Variants in WHRN observed in about 807,000 individuals in gnomAD.
WHRN encodes the protein whirlin.
A neutral mutation model predicts 68.3 loss-of-function variants in WHRN; 41 were observed. That is an observed-to-expected ratio of 0.60 (90% CI 0.47 to 0.78). The LOEUF (loss-of-function observed/expected upper bound fraction) is 0.78. WHRN is among the 30% of genes least tolerant of loss of function. The pLI, the probability that WHRN is intolerant of heterozygous loss-of-function variation, is 0.00. For missense variants in WHRN, 1,243 were observed against 1,244.7 expected (o/e 1.00, Z 0.02); for synonymous variants, 560 against 561.3 (o/e 1.00, Z 0.03).
At chr9:114,447,180 G>T (rs1031603732) in intron 3 of WHRN, among the ~76,000 whole-genome samples, 3 of 152,108 alleles carry the variant, frequency 2.0e-5, no homozygotes, top group Non-Finnish European at 4.4e-5. Context: ...TCCAGCTCAA[G>T]ATCCACTTCC....
intron 9 of WHRN, 108 bp from the exon 10 acceptor site, chr9:114,404,185 A>C (rs1589059202): frequency 8.3e-7 from 1 of 1,199,456 alleles, no homozygotes; most frequent in Non-Finnish European, 1.2e-6. Context: ...GGAATTCCCC[A>C]GGCAAAGATG....
In WHRN at chr9:114,425,412, C is replaced by CA. The variant is rs1564137855; in HGVS notation, c.1167-389dup. 10 of 551,126 alleles carry CA rather than the reference C, an allele frequency of 1.8e-5. No homozygotes were observed. The Admixed American group carries it at 3.2e-4, about 17-fold the overall frequency. 34.1% of individuals were successfully genotyped at this position (551,126 alleles called of 1,614,324 possible). A position where few individuals can be genotyped will look rare whatever the true frequency, so the allele number is the denominator to read the frequency against. The stretch of plus-strand genomic sequence containing the variant: ...AACTGGAGATCCCAGATGCAACTCG[C>CA]AGGTGCGGCTCAGCTCCAGCCGATG... On this transcript the variant is annotated intron_variant, in intron 4 of 11. Transcript: ENST00000362057.
chr9:114,476,562 T>A (rs988761825), intron 2 of WHRN, among the ~76,000 whole-genome samples: 1 of 152,140 alleles, frequency 6.6e-6, no homozygotes, highest in African/African-American at 2.4e-5. Context: ...CTTCCTCCCA[T>A]CAGTTTGCAC....
At chr9:114,500,942 C>G (rs919796463) in intron 1 of WHRN, among the ~76,000 whole-genome samples, 2 of 152,228 alleles carry the variant, frequency 1.3e-5, no homozygotes, top group Admixed American at 6.5e-5. Context: ...TTTCCTTATT[C>G]TGCCTTAAAT....
At chr9:114,450,875 C>T (rs1564169185) in intron 3 of WHRN, among the ~76,000 whole-genome samples, 1 of 151,714 alleles carries the variant, frequency 6.6e-6, no homozygotes, top group East Asian at 1.9e-4. Context: ...TTTAGTCATA[C>T]ATTCTCAATT....
At position 114,437,408 on chromosome 9, in the gene WHRN, T is replaced by C. The variant is rs550077232; in HGVS notation, c.964-10995A>G. Among the ~76,000 whole-genome samples the C allele has an allele frequency of 1.3e-3, 201 of 152,312 alleles. 1 individual carries two copies. The highest frequency in any genetic ancestry group is 2.7e-3 in the Admixed American group (41 of 15,298). Reference sequence around the variant, plus strand: ...TAATAATTAAATTAGATTTAAAATGTATAAAACTTTTGTATTAAAAAAACT... The same window carrying C: ...TAATAATTAAATTAGATTTAAAATGCATAAAACTTTTGTATTAAAAAAACT... On this transcript the variant is annotated intron_variant, in intron 3 of 11. Coordinates refer to ENST00000362057, the MANE Select transcript of WHRN (RefSeq NM_015404.4).
intron 1 of WHRN, among the ~76,000 whole-genome samples, chr9:114,502,542 G>A (rs1048145203): frequency 1.3e-5 from 2 of 152,018 alleles, no homozygotes; most frequent in African/African-American, 4.8e-5. Context: ...GGGGGAAGGC[G>A]GGGGTGGCAG....
intron 1 of WHRN, among the ~76,000 whole-genome samples, chr9:114,498,193 A>C (rs1843624498): frequency 6.6e-6 from 1 of 152,222 alleles, no homozygotes; most frequent in Admixed American, 6.5e-5. Flanking sequence ...GGGATGCGTG[A>C]ATAAGCAAGG....
chr9:114,502,210 C>T (rs932476093), intron 1 of WHRN, among the ~76,000 whole-genome samples: 2 of 152,270 alleles, frequency 1.3e-5, no homozygotes, highest in South Asian at 2.1e-4. Context: ...GGGGCAAGAG[C>T]TCATTTTGCC....
At chr9:114,486,401 G>A (rs1366888895) in intron 1 of WHRN, among the ~76,000 whole-genome samples, 2 of 152,106 alleles carry the variant, frequency 1.3e-5, no homozygotes, top group African/African-American at 2.4e-5. Flanking sequence ...AGTCACATTC[G>A]TGATCTTGTC....
chr9:114,408,002 T>A lies in WHRN; in HGVS notation c.1643A>T (p.Glu548Val), dbSNP rs773198421. The A allele has an allele frequency of 6.2e-7, 1 of 1,602,444 alleles. No individual in the cohort carries two copies. Among genetic ancestry groups the A allele is most frequent in the Non-Finnish European group, 8.5e-7 (1 of 1,173,776 alleles). Reference sequence around the variant, plus strand: ...GCCCTGGACAGCCTCGCCAGTTTCCTCCAGGTCCAGAGTGTTCTAGAAATG... The same window carrying A: ...GCCCTGGACAGCCTCGCCAGTTTCCACCAGGTCCAGAGTGTTCTAGAAATG... ...VSSARNTLDL[E>V]ETGEAVQGNI... Residue 548 changes from glutamate to valine, a missense_variant, in exon 8 of 12, where the codon GAG (glutamate) becomes GTG (valine). Glu to Val is a moderately radical substitution (Grantham distance 121). Transcript: ENST00000362057.
chr9:114,468,324 T>TG (rs1840901235), intron 2 of WHRN, among the ~76,000 whole-genome samples: 2 of 152,276 alleles, frequency 1.3e-5, no homozygotes, highest in South Asian at 2.1e-4. Flanking sequence ...AACCTGACAA[T>TG]GTCACACAGT....
chr9:114,455,658 A>G (rs10759703), intron 3 of WHRN, among the ~76,000 whole-genome samples: 112,500 of 150,146 alleles, frequency 0.75, 42,324 homozygotes, highest in East Asian at 0.96. Context: ...AGGCTCCAGT[A>G]AGCTATGATC....
chr9:114,496,838 C>A (rs1306735746), intron 1 of WHRN, among the ~76,000 whole-genome samples: 1 of 152,194 alleles, frequency 6.6e-6, no homozygotes, highest in African/African-American at 2.4e-5. Flanking sequence ...TGGGTACATA[C>A]CACCCTTCCT....
chr9:114,418,514 G>T (rs1033137735), intron 7 of WHRN, among the ~76,000 whole-genome samples: 4 of 152,172 alleles, frequency 2.6e-5, no homozygotes, highest in Non-Finnish European at 5.9e-5. Flanking sequence ...AATAATCAGG[G>T]GGACCCTGTT....
intron 3 of WHRN, among the ~76,000 whole-genome samples, chr9:114,459,672 G>C (rs1377374522): frequency 6.6e-6 from 1 of 152,168 alleles, no homozygotes; most frequent in Admixed American, 6.5e-5. Context: ...GATATGGTCA[G>C]GCTCCTGGCA....
chr9:114,421,994 AG>A (rs1836332313), intron 7 of WHRN, among the ~76,000 whole-genome samples: 1 of 152,224 alleles, frequency 6.6e-6, no homozygotes. Context: ...CCAGGGCTAA[AG>A]AAAAGCCACA....
At chr9:114,488,621 C>G (rs1010461800) in intron 1 of WHRN, among the ~76,000 whole-genome samples, 3 of 152,138 alleles carry the variant, frequency 2.0e-5, no homozygotes, top group African/African-American at 7.2e-5. Context: ...GTCTTGAACC[C>G]CGAGCAGGTG....
intron 3 of WHRN, among the ~76,000 whole-genome samples, chr9:114,442,801 G>A (rs1838487814): frequency 6.6e-6 from 1 of 152,212 alleles, no homozygotes. Flanking sequence ...ACGGCCTGCA[G>A]AACAGTGAGC....
Sources: gnomAD v4.1 joint callset for allele counts (sites outside exome capture counted in the v4.1 genomes callset) on GRCh38, gnomAD v4.1.1 for gene constraint, MANE v1.5 for transcripts, NCBI Gene and HGNC (gene_info 2026-07-23, HGNC 2026-07-21) for gene names.